DNAAF5: variants seen among roughly 807,000 people sequenced by gnomAD.
DNAAF5 encodes the protein HEAT repeat containing 2.
DNAAF5 carries 64 observed loss-of-function variants against 75.8 expected under a neutral mutation model. The observed-to-expected ratio is 0.84, with a 90% CI of 0.69 to 1.04. The LOEUF (loss-of-function observed/expected upper bound fraction) is 1.04, where lower values mean the gene tolerates loss of function less well. Among genes scored for constraint, DNAAF5 ranks in the 50% least tolerant of loss-of-function variants. The pLI is 0.00. For missense variants in DNAAF5, 1,269 were observed against 1,178.5 expected, an observed-to-expected ratio of 1.08 and a Z score of -1.12; for synonymous variants, 657 against 557.2, an observed-to-expected ratio of 1.18 and a Z score of -2.52.
At chr7:752,712 G>A (rs1255908812) in intron 4 of DNAAF5, among the ~76,000 whole-genome samples, 1 of 152,240 alleles carries the variant, frequency 6.6e-6, no homozygotes, top group South Asian at 2.1e-4. Context: ...CTGTAACAGG[G>A]TAAAGCAATG....
rs1305239396 is a variant in DNAAF5 at position 754,657 on chromosome 7, T to C, written c.1093T>C (p.Cys365Arg). 6.2e-7 allele frequency: 1 copy of C among 1,614,150 alleles called. No individual in the cohort carries two copies. The highest frequency in any genetic ancestry group is 1.1e-5 in the South Asian group (1 of 91,086). The change falls in exon 5 of 13, where the codon TGC (cysteine) becomes CGC (arginine). Residue 365 changes from cysteine to arginine, a missense_variant. Transcript: ENST00000297440. The surrounding 1 kb of genome is among the most constrained non-coding windows in gnomAD (Gnocchi z 4.8). Reference sequence around the variant, plus strand: ...CCTCTCCAAGATCCTCCCTGCCCTGTGCCACGACATCACCGACTGGGTGGT... The same window carrying C: ...CCTCTCCAAGATCCTCCCTGCCCTGCGCCACGACATCACCGACTGGGTGGT... ...RNLSKILPAL[C>R]HDITDWVVGT... is the part of the protein sequence containing the mutation.
At chr7:781,092 C>G (rs1479943582) in intron 12 of DNAAF5, among the ~76,000 whole-genome samples, 2 of 152,048 alleles carry the variant, frequency 1.3e-5, no homozygotes, top group African/African-American at 4.8e-5. Flanking sequence ...TATTGTTGAC[C>G]ATAGTCACCC....
At chr7:767,795 A>C (rs913737411) in intron 8 of DNAAF5, among the ~76,000 whole-genome samples, 6 of 149,098 alleles carry the variant, frequency 4.0e-5, no homozygotes, top group Admixed American at 4.0e-4. Context: ...TGCCAGCAGG[A>C]GCTCCCGCTG....
chr7:730,397 G>A (rs937680875), intron 2 of DNAAF5, among the ~76,000 whole-genome samples: 2 of 152,202 alleles, frequency 1.3e-5, no homozygotes, highest in African/African-American at 4.8e-5. Flanking sequence ...GCTACACACT[G>A]TGGCCACCGG....
intron 11 of DNAAF5, among the ~76,000 whole-genome samples, chr7:779,219 A>G (rs1483709049): frequency 6.6e-6 from 1 of 152,218 alleles, no homozygotes; most frequent in East Asian, 1.9e-4. Context: ...TGCAGCGGGA[A>G]GATGGGCCTG....
intron 12 of DNAAF5, among the ~76,000 whole-genome samples, chr7:781,478 G>A (rs1380563067): frequency 6.6e-6 from 1 of 152,172 alleles, no homozygotes; most frequent in African/African-American, 2.4e-5. Flanking sequence ...GGGGCATTCG[G>A]CGTGCGCGTG....
chr7:771,937 C>G (rs963482871), intron 9 of DNAAF5: 2 of 149,002 alleles, frequency 1.3e-5, no homozygotes, highest in African/African-American at 5.0e-5. Flanking sequence ...AACTTACTAG[C>G]TATTTTAATA....
rs6973746 is a variant in DNAAF5 at position 774,230 on chromosome 7, C to G, written c.2082+32C>G. 1,094,652 of 1,574,854 alleles carry G rather than the reference C, an allele frequency of 0.7. 382,753 individuals are homozygous for G. The highest frequency in any genetic ancestry group is 0.77 in the Middle Eastern group (4,371 of 5,664). ...GGCTCCCTGCGTGCTCGGTGGACAC[C>G]GGCCGGGGACTGCGCAGGCTTCCTG... On this transcript the variant is annotated intron_variant, in intron 10 of 12. Coordinates refer to ENST00000297440, the MANE Select transcript of DNAAF5 (RefSeq NM_017802.4).
chr7:757,653 A>C (rs529528731), intron 6 of DNAAF5, among the ~76,000 whole-genome samples: 3 of 152,274 alleles, frequency 2.0e-5, no homozygotes, highest in Non-Finnish European at 4.4e-5. Context: ...ATTGTTTGGA[A>C]TAATCCATAG....
At chr7:740,632 C>T (rs1433258763) in intron 2 of DNAAF5, among the ~76,000 whole-genome samples, 187 bp from the exon 3 acceptor site, 2 of 152,186 alleles carry the variant, frequency 1.3e-5, no homozygotes, top group Non-Finnish European at 1.5e-5. Flanking sequence ...GGCTTGGTGG[C>T]GCCCAGGACC....
chr7:754,081 TAGG>T lies in DNAAF5; in HGVS notation c.1025-507_1025-505del, dbSNP rs1411064395. On this transcript the variant is annotated intron_variant, in intron 4 of 12. Coordinates refer to ENST00000297440, the MANE Select transcript of DNAAF5 (RefSeq NM_017802.4). The surrounding 1 kb of genome is among the most constrained non-coding windows in gnomAD (Gnocchi z 4.8). ...TCGCAGGCGTGTGTCTCTCTGATCA[TAGG>T]GGGACGGCTTCGCAGGCGTGTCTCT... Among the ~76,000 whole-genome samples the T allele has an allele frequency of 2.0e-4, 30 of 152,174 alleles. No homozygotes were observed. The highest frequency in any genetic ancestry group is 6.2e-4 in the South Asian group (3 of 4,810).
In DNAAF5 at chr7:729,669, T is replaced by TC; in HGVS notation, c.604dup (p.His202ProfsTer28). The TC allele has an allele frequency of 6.2e-7, 1 of 1,613,718 alleles. No homozygotes were observed. The highest frequency in any genetic ancestry group is 1.1e-5 in the South Asian group (1 of 91,048). ...GGGCCTCCCTGTCCCTCAGACCACTTCCACATGCAGTCGGAGTCTCTGATC... is the reference window on the plus strand; with the variant it reads ...GGGCCTCCCTGTCCCTCAGACCACTTCCCACATGCAGTCGGAGTCTCTGATC... On this transcript the variant is annotated frameshift_variant, in exon 2 of 13. Coordinates refer to ENST00000297440, the MANE Select transcript of DNAAF5 (RefSeq NM_017802.4). LOFTEE classifies it high-confidence loss of function.
Position 774,183 on chromosome 7 carries a change from C to T in DNAAF5, c.2067C>T (p.Val689=), listed in dbSNP as rs773579132. The change falls in exon 10 of 13, where the codon GTC becomes GTT. Residue 689 remains valine, a synonymous_variant. Coordinates refer to ENST00000297440, the MANE Select transcript of DNAAF5 (RefSeq NM_017802.4). ...TCTGGGCGCTCACCAGCAGCGAGGT[C>T]CTGTCGGCAGAGCAGGTACGGGGCT... ...SCLWALTSSE[V]LSAEQIRDVQ... 37 of 1,608,868 alleles carry T rather than the reference C, an allele frequency of 2.3e-5. No individual in the cohort carries two copies. Among genetic ancestry groups the T allele is most frequent in the African/African-American group, 6.7e-5 (5 of 74,918 alleles).
At chr7:774,294 C>T in intron 10 of DNAAF5, 96 bp downstream of exon 10, 2 of 1,287,048 alleles carry the variant, frequency 1.6e-6, no homozygotes, top group African/African-American at 3.0e-5. Flanking sequence ...CTTGGGCAGG[C>T]AGCAGCTGCA....
Position 774,406 on chromosome 7 carries a change from G to A in DNAAF5, c.2082+208G>A, listed in dbSNP as rs140511878. ...CGGTTCAGACAGCAGGCGGGAGAGC[G>A]GGAGCCAGGCCGCGGGCCCAGCCAG... On this transcript the variant is annotated intron_variant, in intron 10 of 12. Transcript: ENST00000297440. Among the ~76,000 whole-genome samples the A allele has an allele frequency of 5.9e-5, 9 of 152,320 alleles. No homozygotes were observed. The East Asian group carries it at 1.5e-3, about 26-fold the overall frequency.
intron 4 of DNAAF5, among the ~76,000 whole-genome samples, chr7:746,765 G>A (rs182575344): frequency 6.6e-6 from 1 of 152,232 alleles, no homozygotes; most frequent in African/African-American, 2.4e-5. Context: ...CTGCAGCTCT[G>A]TGAGTTTTGA....
At chr7:774,850 C>A (rs935142210) in intron 10 of DNAAF5, among the ~76,000 whole-genome samples, 156 bp from the exon 11 acceptor site, 1 of 152,192 alleles carries the variant, frequency 6.6e-6, no homozygotes, top group African/African-American at 2.4e-5. Flanking sequence ...AAAAATTGCT[C>A]AAAATCTAAA....
Position 727,009 on chromosome 7 carries a change from G to A in DNAAF5, c.289G>A (p.Val97Met), listed in dbSNP as rs1039028606. The A allele has an allele frequency of 6.5e-6, 8 of 1,236,184 alleles. No homozygotes were observed. The South Asian group carries it at 7.0e-5, about 11-fold the overall frequency. 76.6% of individuals were successfully genotyped at this position (1,236,184 alleles called of 1,614,324 possible). ...CGCCGAGGGCTGCCGCGCGCTGGCAGTGCACCTGCTGGATCTGGGCCTGCG... is the reference window on the plus strand; with the variant it reads ...CGCCGAGGGCTGCCGCGCGCTGGCAATGCACCTGCTGGATCTGGGCCTGCG... ...DPAEGCRALA[V>M]HLLDLGLRRA... is the part of the protein sequence containing the mutation. The change falls in exon 1 of 13, where the codon GTG becomes ATG. Residue 97 changes from valine (V) to methionine (M), a missense_variant. Transcript: ENST00000297440.
intron 4 of DNAAF5, among the ~76,000 whole-genome samples, chr7:743,217 A>C (rs1362655534): frequency 1.3e-5 from 2 of 152,154 alleles, no homozygotes; most frequent in African/African-American, 4.8e-5. Flanking sequence ...TTTAACAAAA[A>C]CAAAACAAAT....
Sources: allele counts gnomAD v4.1 joint callset (sites outside exome capture counted in the v4.1 genomes callset), GRCh38; gene constraint gnomAD v4.1.1; non-coding constraint Gnocchi (gnomAD v3.1); transcripts MANE v1.5; gene names NCBI Gene and HGNC (gene_info 2026-07-23, HGNC 2026-07-21).